The following ZNF831 variants were observed in gnomAD, a reference collection of about 807,000 sequenced individuals.
ZNF831 encodes the protein zinc finger protein 831.
In ZNF831, 59 loss-of-function variants were observed where a neutral mutation model predicts 95.8. The ratio of observed to expected loss-of-function variants is 0.62; its 90% CI spans 0.50 to 0.77. The LOEUF is 0.77. Among genes scored for constraint, ZNF831 ranks in the 30% least tolerant of loss-of-function variants. The pLI is 0.00. For synonymous variants in ZNF831, 961 were observed against 925.5 expected (o/e 1.04, Z -0.70); for missense variants, 2,205 against 2,164.0 (o/e 1.02, Z -0.38).
chr20:59,228,902 G>A (rs1000454150), intron 4 of ZNF831, among the ~76,000 whole-genome samples: 12 of 152,226 alleles, frequency 7.9e-5, no homozygotes, highest in Admixed American at 7.8e-4. Flanking sequence ...TCAAATACTA[G>A]ATTTTATTCT....
chr20:59,232,886 G>A (rs946921660), intron 4 of ZNF831, among the ~76,000 whole-genome samples: 1 of 151,996 alleles, frequency 6.6e-6, no homozygotes, highest in African/African-American at 2.4e-5. Context: ...GGAGCACTAC[G>A]TTTCAGATCC....
At chr20:59,162,172 G>A (rs1980914265), upstream of ZNF831, among the ~76,000 whole-genome samples, 2 of 152,292 alleles carry the variant, frequency 1.3e-5, no homozygotes, top group Admixed American at 6.5e-5. Context: ...TGGCTGCATA[G>A]TTTGCAAATC....
rs768309081 is a variant in ZNF831, at chr20:59,191,170, C to G, written c.151C>G (p.Pro51Ala). ...GCCGCCAGAGCAGGGCCTGGCCCCC[C>G]CCACTGTGTTCCTGAAGGCCCTGCC... ...LLPPEQGLAP[P>A]TVFLKALPIP... Residue 51 changes from proline (P) to alanine (A), a missense_variant, in exon 2 of 6, where the codon CCC becomes GCC. Pro to Ala is a conservative substitution (Grantham distance 27, BLOSUM62 -1). Transcript: ENST00000371030. The G allele has an allele frequency of 2.2e-5, 36 of 1,602,132 alleles. No homozygotes were observed. Among genetic ancestry groups the G allele is most frequent in the Admixed American group, 2.0e-4 (12 of 59,242 alleles).
In ZNF831 at chr20:59,192,628, C is replaced by T. The variant is rs183636700; in HGVS notation, c.1609C>T (p.Pro537Ser). 6.7e-7 allele frequency: 1 copy of T among 1,497,742 alleles called. No individual in the cohort carries two copies. The highest frequency in any genetic ancestry group is 8.9e-7 in the Non-Finnish European group (1 of 1,126,184). The allele number at this position is 1,497,742 out of a possible 1,614,324, so 92.8% of individuals were successfully genotyped here. A position where few individuals can be genotyped will look rare whatever the true frequency, so the allele number is the denominator to read the frequency against. Reference protein sequence around the residue: ...SRTQKPLSPRPGPARLGCRSG... With the variant: ...SRTQKPLSPRSGPARLGCRSG... ...GACGCAGAAGCCTCTGAGCCCCAGGCCCGGCCCAGCCCGCCTGGGCTGCCG... is the reference window on the plus strand; with the variant it reads ...GACGCAGAAGCCTCTGAGCCCCAGGTCCGGCCCAGCCCGCCTGGGCTGCCG... The change falls in exon 2 of 6, where the codon CCC becomes TCC. Residue 537 changes from proline to serine, a missense_variant. Physicochemically the swap from Pro to Ser is moderately conservative, Grantham distance 74 (BLOSUM62 -1). Transcript: ENST00000371030. This position sits in a 1 kb window ranked among gnomAD's most constrained non-coding sequence, Gnocchi z 5.2.
intron 1 of ZNF831, among the ~76,000 whole-genome samples, chr20:59,138,249 G>C (rs1979573413): frequency 6.6e-6 from 1 of 152,176 alleles, no homozygotes; most frequent in Admixed American, 6.5e-5. Flanking sequence ...GTTTAATTCT[G>C]TCTGCAGGCG....
chr20:59,233,040 A>G (rs1986815338), intron 4 of ZNF831, among the ~76,000 whole-genome samples: 1 of 148,326 alleles, frequency 6.7e-6, no homozygotes, highest in Non-Finnish European at 1.5e-5. Context: ...ACACACACAC[A>G]CACATAGAGA....
chr20:59,208,855 CAGCCAG>C lies in ZNF831; in HGVS notation c.4027+1803_4027+1808del, dbSNP rs1401766147. ...GGTCACTGGTGGAATCCAACAGAATCAGCCAGAGCTCTGCCAGTTGCCCCCATGGAG... is the reference window on the plus strand; with the variant it reads ...GGTCACTGGTGGAATCCAACAGAATCAGCTCTGCCAGTTGCCCCCATGGAG... On this transcript the variant is annotated intron_variant, in intron 4 of 5. Coordinates refer to ENST00000371030, the MANE Select transcript of ZNF831 (RefSeq NM_178457.3). The surrounding 1 kb of genome is among the most constrained non-coding windows in gnomAD (Gnocchi z 4.2). Among the ~76,000 whole-genome samples the C allele has an allele frequency of 6.6e-6, 1 of 152,114 alleles. No homozygotes were observed. Among genetic ancestry groups the C allele is most frequent in the Admixed American group, 6.5e-5 (1 of 15,284 alleles).
chr20:59,125,501 G>A (rs1223074993), intron 1 of ZNF831, among the ~76,000 whole-genome samples: 1 of 152,142 alleles, frequency 6.6e-6, no homozygotes, highest in Non-Finnish European at 1.5e-5. Context: ...GGCACTTCGT[G>A]TGCATACTGA....
rs1218131957 is a variant in ZNF831, at chr20:59,258,068, A to G, written c.*3325A>G. ...TGTAAAACACATTGAAAAACAGCTC[A>G]TCTCTCCTGTTAGGCTTAACCCTTG... On this transcript the variant is annotated 3_prime_UTR_variant, in exon 6 of 6. Coordinates refer to ENST00000371030, the MANE Select transcript of ZNF831 (RefSeq NM_178457.3). The G allele has an allele frequency of 6.6e-6, 1 of 152,032 alleles. No homozygotes were observed. The highest frequency in any genetic ancestry group is 1.5e-5 in the Non-Finnish European group (1 of 68,032). The allele number at this position is 152,032 out of a possible 1,614,324, so 9.4% of individuals were successfully genotyped here. A position where few individuals can be genotyped will look rare whatever the true frequency, so the allele number is the denominator to read the frequency against.
Position 59,193,922 on chromosome 20 carries a change from G to T in ZNF831, c.2903G>T (p.Cys968Phe), listed in dbSNP as rs778602984. 256 of 1,597,474 alleles carry T rather than the reference G, an allele frequency of 1.6e-4. No homozygotes were observed. Among genetic ancestry groups the T allele is most frequent in the Non-Finnish European group, 2.1e-4 (250 of 1,171,948 alleles). The part of the protein sequence containing the change: ...WGPRHSQDSL[C>F]SSGWPEERAS... ...CCAAGGCACAGCCAGGACTCTCTCT[G>T]CAGCAGTGGGTGGCCTGAAGAACGG... Residue 968 changes from cysteine (C) to phenylalanine (F), a missense_variant, in exon 2 of 6, where the codon TGC (cysteine) becomes TTC (phenylalanine). Physicochemically the swap from Cys to Phe is radical, Grantham distance 205 (BLOSUM62 -2). Transcript: ENST00000371030.
intron 1 of ZNF831, among the ~76,000 whole-genome samples, chr20:59,167,002 C>A (rs1486634741): frequency 6.6e-6 from 1 of 152,198 alleles, no homozygotes; most frequent in Non-Finnish European, 1.5e-5. Flanking sequence ...GAAATGGCCA[C>A]CCTTTTTTCC....
At chr20:59,238,905 G>C (rs185239813) in intron 4 of ZNF831, among the ~76,000 whole-genome samples, 3 of 152,158 alleles carry the variant, frequency 2.0e-5, no homozygotes, top group Non-Finnish European at 2.9e-5. Context: ...CACAGCAGAC[G>C]CAGGGCCGGA....
intron 3 of ZNF831, among the ~76,000 whole-genome samples, chr20:59,196,821 A>G (rs1039154429): frequency 6.6e-6 from 1 of 152,114 alleles, no homozygotes; most frequent in African/African-American, 2.4e-5. Context: ...TCTGTTGCCC[A>G]GGCTGGAGTG....
chr20:59,237,711 G>T (rs1446545305), intron 4 of ZNF831, among the ~76,000 whole-genome samples: 3 of 152,144 alleles, frequency 2.0e-5, no homozygotes, highest in Non-Finnish European at 4.4e-5. Context: ...TGGGATATTT[G>T]TGAGGTGCTC....
At chr20:59,249,389 C>T (rs886472959) in intron 4 of ZNF831, among the ~76,000 whole-genome samples, 5 of 152,168 alleles carry the variant, frequency 3.3e-5, no homozygotes, top group South Asian at 2.1e-4. Flanking sequence ...GTAATATCCC[C>T]GTCCTCGATT....
chr20:59,236,877 G>GT (rs1159026629), intron 4 of ZNF831, among the ~76,000 whole-genome samples: 2 of 151,830 alleles, frequency 1.3e-5, no homozygotes, highest in Non-Finnish European at 2.9e-5. Flanking sequence ...TTTTCCCCCC[G>GT]TTTTTTTCTT....
chr20:59,237,683 C>CT (rs1366281102), intron 4 of ZNF831, among the ~76,000 whole-genome samples: 1 of 152,178 alleles, frequency 6.6e-6, no homozygotes. Context: ...TGAGGGCTGT[C>CT]AGGACCATTT....
At chr20:59,170,761 T>G (rs1016071667) in intron 1 of ZNF831, among the ~76,000 whole-genome samples, 1 of 152,166 alleles carries the variant, frequency 6.6e-6, no homozygotes. Flanking sequence ...AGGACACACG[T>G]GGAAGGAGTC....
chr20:59,124,068 A>G (rs929469225), intron 1 of ZNF831, among the ~76,000 whole-genome samples: 1 of 152,114 alleles, frequency 6.6e-6, no homozygotes, highest in Admixed American at 6.5e-5. Flanking sequence ...AGGTGCGGGG[A>G]CAAGGTGGGG....
Sources: allele counts gnomAD v4.1 joint callset (sites outside exome capture counted in the v4.1 genomes callset), GRCh38; gene constraint gnomAD v4.1.1; non-coding constraint Gnocchi (gnomAD v3.1); transcripts MANE v1.5; gene names NCBI Gene and HGNC (gene_info 2026-07-23, HGNC 2026-07-21).